The following SLC35F4 variants were observed in gnomAD, a reference collection of about 807,000 sequenced individuals.
SLC35F4 encodes chromosome 14 open reading frame 36.
SLC35F4 carries 24 observed loss-of-function variants against 44.2 expected under a neutral mutation model. The ratio of observed to expected loss-of-function variants is 0.54; its 90% CI spans 0.39 to 0.76. The LOEUF is 0.76. Among genes scored for constraint, SLC35F4 ranks in the 30% least tolerant of loss-of-function variants. The pLI, the probability that SLC35F4 is intolerant of heterozygous loss-of-function variation, is 0.00. For synonymous variants in SLC35F4, 238 were observed against 223.6 expected (o/e 1.06, Z -0.57); for missense variants, 562 against 586.1 (o/e 0.96, Z 0.42).
rs145588904 is a variant in SLC35F4 at position 57,812,278 on chromosome 14, T to G, written c.103+53445A>C. 2.6e-3 allele frequency among the ~76,000 whole-genome samples: 389 copies of G among 152,230 alleles called. 2 individuals carry two copies. The highest frequency in any genetic ancestry group is 0.022 in the South Asian group (106 of 4,812). The stretch of plus-strand genomic sequence containing the variant: ...AGTGTGGCCCAGCTGGAACCCAAAC[T>G]GTGCCCCTCCCCTCCCACCTCCCTT... On this transcript the variant is annotated intron_variant, in intron 1 of 7. Coordinates refer to ENST00000556826, the MANE Select transcript of SLC35F4 (RefSeq NM_001306087.2).
chr14:57,949,357 C>T (rs1262550518), intron 1 of SLC35F4, among the ~76,000 whole-genome samples: 1 of 152,232 alleles, frequency 6.6e-6, no homozygotes, highest in Non-Finnish European at 1.5e-5. Context: ...ATCCTGCTCA[C>T]TTTTGGTGGC....
intron 1 of SLC35F4, among the ~76,000 whole-genome samples, chr14:57,891,468 C>T (rs1372558897): frequency 1.3e-5 from 2 of 152,010 alleles, no homozygotes; most frequent in Non-Finnish European, 2.9e-5. Flanking sequence ...CATAGCAAGA[C>T]CCCCAAATCT....
rs1472351497 is a variant in SLC35F4, at chr14:57,621,067, A to G, written c.104-26943T>C. On this transcript the variant is annotated intron_variant, in intron 1 of 7. Transcript: ENST00000556826. Reference sequence around the variant, plus strand: ...AATCATGAGTGAACTCCCATTCACAATTGCTTCAAAGAGAATAAAATACCT... The same window carrying G: ...AATCATGAGTGAACTCCCATTCACAGTTGCTTCAAAGAGAATAAAATACCT... Among the ~76,000 whole-genome samples, 8 of 148,970 alleles carry G rather than the reference A, an allele frequency of 5.4e-5. No homozygotes were observed. The East Asian group carries it at 5.9e-4, about 11-fold the overall frequency.
At chr14:57,893,847 C>CTGAGTATATTTCAGTT (rs1452521232) in intron 1 of SLC35F4, among the ~76,000 whole-genome samples, 2 of 152,182 alleles carry the variant, frequency 1.3e-5, no homozygotes, top group Non-Finnish European at 2.9e-5. Context: ...AAAATACGTT[C>CTGAGTATATTTCAGTT]TGAGTATATT....
intron 1 of SLC35F4, among the ~76,000 whole-genome samples, chr14:57,937,571 A>G (rs79791976): frequency 0.021 from 2,356 of 113,742 alleles, 63 homozygotes; most frequent in Non-Finnish European, 0.032. Flanking sequence ...AAAGAAAAGA[A>G]AAGAGAAAAG....
In SLC35F4 at chr14:57,765,282, G is replaced by A. The variant is rs538798312; in HGVS notation, c.103+100441C>T. Among the ~76,000 whole-genome samples the A allele has an allele frequency of 1.8e-4, 27 of 152,320 alleles. 1 individual carries two copies. In the South Asian group the frequency reaches 1.9e-3, roughly 11 times the overall value. On this transcript the variant is annotated intron_variant, in intron 1 of 7. Transcript: ENST00000556826. Reference sequence around the variant, plus strand: ...ATTCTCTTGGAGAGATTAGATGCTCGTGCTGTGAACTGTCCTGAAAAAGGG... The same window carrying A: ...ATTCTCTTGGAGAGATTAGATGCTCATGCTGTGAACTGTCCTGAAAAAGGG...
intron 1 of SLC35F4, among the ~76,000 whole-genome samples, chr14:57,740,294 T>C (rs919989452): frequency 3.9e-5 from 6 of 152,220 alleles, no homozygotes; most frequent in African/African-American, 1.2e-4. Context: ...ATATACTTCA[T>C]TTTCCAAGTA....
intron 4 of SLC35F4, among the ~76,000 whole-genome samples, chr14:57,576,431 G>A (rs1309669963): frequency 1.3e-5 from 2 of 152,172 alleles, no homozygotes; most frequent in Non-Finnish European, 2.9e-5. Context: ...AAGGTCAGTA[G>A]TTGAGGTTGG....
intron 6 of SLC35F4, among the ~76,000 whole-genome samples, chr14:57,568,881 G>GA (rs2068340413): frequency 6.6e-6 from 1 of 152,124 alleles, no homozygotes. Flanking sequence ...TTTCTATGGA[G>GA]AAGAGAGGGA....
At chr14:57,603,052 A>G (rs970989947) in intron 1 of SLC35F4, among the ~76,000 whole-genome samples, 1 of 152,174 alleles carries the variant, frequency 6.6e-6, no homozygotes, top group African/African-American at 2.4e-5. Context: ...TTATCTGTAG[A>G]ATTAGATTGT....
chr14:57,656,937 G>A lies in SLC35F4; in HGVS notation c.104-62813C>T, dbSNP rs78306985. ...ATGACTATATCCATTTGTACATTACGTCTTTGTTATTAGATAGCATGGACT... is the reference window on the plus strand; with the variant it reads ...ATGACTATATCCATTTGTACATTACATCTTTGTTATTAGATAGCATGGACT... On this transcript the variant is annotated intron_variant, in intron 1 of 7. Coordinates refer to ENST00000556826, the MANE Select transcript of SLC35F4 (RefSeq NM_001306087.2). 1.4e-3 allele frequency among the ~76,000 whole-genome samples: 212 copies of A among 152,110 alleles called. 3 individuals carry two copies. The East Asian group carries it at 0.04, about 29-fold the overall frequency.
intron 1 of SLC35F4, among the ~76,000 whole-genome samples, chr14:57,650,521 A>G (rs1249744239): frequency 6.6e-6 from 1 of 151,928 alleles, no homozygotes; most frequent in Non-Finnish European, 1.5e-5. Context: ...CACCATCTCT[A>G]TGTCTGTCAC....
chr14:57,587,444 TAAAA>T (rs552772318), intron 3 of SLC35F4, among the ~76,000 whole-genome samples: 6 of 152,172 alleles, frequency 3.9e-5, no homozygotes. Flanking sequence ...TATGCAGCCA[TAAAA>T]AAAGATGAGT....
rs920990301 is a variant in SLC35F4, at chr14:57,566,329, C to T, written c.1216+146G>A. The T allele has an allele frequency of 7.6e-6, 5 of 662,084 alleles. No homozygotes were observed. In the African/African-American group the frequency reaches 9.0e-5, roughly 12 times the overall value. 41.0% of individuals were successfully genotyped at this position (662,084 alleles called of 1,614,324 possible). A position where few individuals can be genotyped will look rare whatever the true frequency, so the allele number is the denominator to read the frequency against. On this transcript the variant is annotated intron_variant, in intron 7 of 7. Coordinates refer to ENST00000556826, the MANE Select transcript of SLC35F4 (RefSeq NM_001306087.2). ...ATCTGCTGCATAGTTACTCTGTTGT[C>T]TGCCACCTTCATGATATTTAAAAAC...
chr14:57,694,172 C>A (rs1207383661), intron 1 of SLC35F4, among the ~76,000 whole-genome samples: 1 of 152,132 alleles, frequency 6.6e-6, no homozygotes, highest in Non-Finnish European at 1.5e-5. Flanking sequence ...CTCTTGAAAT[C>A]CTACCTCTAC....
intron 1 of SLC35F4, among the ~76,000 whole-genome samples, chr14:57,871,138 G>A (rs546623566): frequency 5.9e-5 from 9 of 152,342 alleles, no homozygotes; most frequent in African/African-American, 1.9e-4. Context: ...TAGCCATTAG[G>A]CTTCCCAGCT....
chr14:57,640,804 TAAAG>T (rs1440873218), intron 1 of SLC35F4, among the ~76,000 whole-genome samples: 3 of 152,012 alleles, frequency 2.0e-5, no homozygotes, highest in Non-Finnish European at 2.9e-5. Context: ...GTTCAGTCCT[TAAAG>T]AAAGCCACTT....
intron 4 of SLC35F4, chr14:57,578,797 G>T (rs924239093): frequency 1.3e-5 from 2 of 152,136 alleles, no homozygotes; most frequent in Admixed American, 6.5e-5. Context: ...GTACTTATTA[G>T]CTATTTAACA....
chr14:57,597,589 A>G (rs2070569662), intron 1 of SLC35F4, among the ~76,000 whole-genome samples: 1 of 152,212 alleles, frequency 6.6e-6, no homozygotes, highest in Non-Finnish European at 1.5e-5. Context: ...GGGAGCAGGA[A>G]GAAAGGGAGT....
Sources: allele counts gnomAD v4.1 joint callset (sites outside exome capture counted in the v4.1 genomes callset), GRCh38; gene constraint gnomAD v4.1.1; transcripts MANE v1.5; gene names NCBI Gene and HGNC (gene_info 2026-07-23, HGNC 2026-07-21).